Variants in PTCHD4 observed in about 807,000 individuals in gnomAD.
PTCHD4 encodes the protein patched domain-containing protein 4.
A neutral mutation model predicts 58.1 loss-of-function variants in PTCHD4; 33 were observed. That is an observed-to-expected ratio of 0.57 (90% CI 0.43 to 0.76). The LOEUF (loss-of-function observed/expected upper bound fraction) is 0.76. Ranked by LOEUF, PTCHD4 falls within the 30% of genes least tolerant of loss-of-function variation. The pLI is 0.00. For synonymous variants in PTCHD4, 478 were observed against 409.6 expected, an observed-to-expected ratio of 1.17 and a Z score of -2.02; for missense variants, 1,058 against 1,027.1, an observed-to-expected ratio of 1.03 and a Z score of -0.41.
chr6:48,080,351 C>T (rs1196557707), intron 1 of PTCHD4, among the ~76,000 whole-genome samples: 2 of 152,188 alleles, frequency 1.3e-5, no homozygotes, highest in Non-Finnish European at 2.9e-5. Context: ...AACATATAGA[C>T]TGTCTGGGGA....
At chr6:47,905,240 AC>A (rs1764839922) in intron 4 of PTCHD4, among the ~76,000 whole-genome samples, 1 of 152,106 alleles carries the variant, frequency 6.6e-6, no homozygotes, top group South Asian at 2.1e-4. Context: ...ATAGGCAAAA[AC>A]GTGGTAGATT....
intron 3 of PTCHD4, among the ~76,000 whole-genome samples, chr6:48,053,299 CG>C (rs1459221042): frequency 6.6e-6 from 1 of 152,090 alleles, no homozygotes; most frequent in African/African-American, 2.4e-5. Flanking sequence ...ATATTCAAAA[CG>C]TGACAGCTAA....
intron 4 of PTCHD4, among the ~76,000 whole-genome samples, chr6:47,953,290 T>A (rs1042658002): frequency 1.3e-5 from 2 of 152,176 alleles, no homozygotes; most frequent in Admixed American, 1.3e-4. Flanking sequence ...TACAATGGTC[T>A]GAATTTTTTA....
intron 4 of PTCHD4, among the ~76,000 whole-genome samples, chr6:47,959,930 C>CA (rs764922436): frequency 5.0e-4 from 73 of 146,212 alleles, no homozygotes; most frequent in East Asian, 2.6e-3. Context: ...ATGTTATAAG[C>CA]AAAAAAAAAC....
At chr6:48,002,463 C>T (rs527412524) in intron 4 of PTCHD4, among the ~76,000 whole-genome samples, 25 of 152,008 alleles carry the variant, frequency 1.6e-4, no homozygotes, top group South Asian at 1.2e-3. Context: ...TTTGTAGGGA[C>T]GTGGGTGAAG....
chr6:48,029,981 G>C (rs1042408606), intron 3 of PTCHD4, among the ~76,000 whole-genome samples: 1 of 152,084 alleles, frequency 6.6e-6, no homozygotes, highest in Non-Finnish European at 1.5e-5. Context: ...GAACATCTTA[G>C]AGACCTCAAG....
rs927923357 is a variant in PTCHD4, at chr6:47,864,815, G to A, written c.*13488C>T. ...TAGGAAAAGTTTTGAATTAGAGACA[G>A]GCCATCCAATGAATGTGTAACTATG... On this transcript the variant is annotated 3_prime_UTR_variant, in exon 5 of 5. Coordinates refer to ENST00000339488, the MANE Select transcript of PTCHD4 (RefSeq NM_001384253.1). 6.6e-6 allele frequency among the ~76,000 whole-genome samples: 1 copy of A among 151,934 alleles called. No homozygotes were observed. The highest frequency in any genetic ancestry group is 2.4e-5 in the African/African-American group (1 of 41,404).
At chr6:47,958,148 C>T (rs999548920) in intron 4 of PTCHD4, among the ~76,000 whole-genome samples, 2 of 152,110 alleles carry the variant, frequency 1.3e-5, no homozygotes, top group African/African-American at 4.8e-5. Context: ...CCAAAATACC[C>T]TCTATTTGTA....
chr6:47,960,908 A>G (rs1767060484), intron 4 of PTCHD4, among the ~76,000 whole-genome samples: 3 of 151,090 alleles, frequency 2.0e-5, no homozygotes, highest in Admixed American at 2.0e-4. Context: ...CAGCAGGGTG[A>G]TAGATGACTA....
intron 3 of PTCHD4, among the ~76,000 whole-genome samples, chr6:48,057,441 A>G (rs1328244245): frequency 1.3e-5 from 2 of 152,170 alleles, no homozygotes; most frequent in African/African-American, 4.8e-5. Context: ...TAAATGCCCT[A>G]TTAGTTCATT....
rs754683535 is a variant in PTCHD4 at position 47,879,448 on chromosome 6, A to G, written c.1387T>C (p.Phe463Leu). ...TAAATGAGATAGAGGATGACAACAA[A>G]TGGCTTCACATATATATTGGTAATC... Reference protein sequence around the residue: ...EWITNIYVKPFVVILYLIYAS... With the variant: ...EWITNIYVKPLVVILYLIYAS... Residue 463 changes from phenylalanine (F) to leucine (L), a missense_variant, in exon 5 of 5, where the codon TTT becomes CTT. Phe to Leu is a conservative substitution (Grantham distance 22). Transcript: ENST00000339488. 2 of 1,613,660 alleles carry G rather than the reference A, an allele frequency of 1.2e-6. No homozygotes were observed. The highest frequency in any genetic ancestry group is 1.7e-6 in the Non-Finnish European group (2 of 1,179,736).
intron 3 of PTCHD4, among the ~76,000 whole-genome samples, chr6:48,015,026 G>A (rs980171327): frequency 1.3e-5 from 2 of 152,070 alleles, no homozygotes; most frequent in Non-Finnish European, 2.9e-5. Flanking sequence ...ACTCATACTC[G>A]TATACTGATT....
rs1763784153 is a variant in PTCHD4, at chr6:47,873,997, G to A, written c.*4306C>T. 6.6e-6 allele frequency among the ~76,000 whole-genome samples: 1 copy of A among 151,722 alleles called. No homozygotes were observed. Among genetic ancestry groups the A allele is most frequent in the South Asian group, 2.1e-4 (1 of 4,824 alleles). On this transcript the variant is annotated 3_prime_UTR_variant, in exon 5 of 5. Transcript: ENST00000339488. Reference sequence around the variant, plus strand: ...CAGACTGAACAGAAAGATCCCTGTAGTAGGATGCCGAGCAAATCATTGACT... The same window carrying A: ...CAGACTGAACAGAAAGATCCCTGTAATAGGATGCCGAGCAAATCATTGACT...
intron 3 of PTCHD4, among the ~76,000 whole-genome samples, chr6:48,024,615 T>C (rs146872198): frequency 1.7e-3 from 259 of 152,296 alleles, no homozygotes; most frequent in Non-Finnish European, 2.5e-3. Flanking sequence ...AGGCATTCTA[T>C]GATCCCTTGG....
intron 1 of PTCHD4, among the ~76,000 whole-genome samples, chr6:48,071,595 G>A (rs1764976015): frequency 6.6e-6 from 1 of 152,050 alleles, no homozygotes; most frequent in Non-Finnish European, 1.5e-5. Context: ...TATAACCTAT[G>A]CTCAGTTTCT....
chr6:48,034,146 G>A (rs191053511), intron 3 of PTCHD4, among the ~76,000 whole-genome samples: 1 of 152,102 alleles, frequency 6.6e-6, no homozygotes, highest in Non-Finnish European at 1.5e-5. Context: ...GAAAATCCTG[G>A]GCCCCTGGAT....
At chr6:48,012,557 C>G (rs569695078) in intron 3 of PTCHD4, among the ~76,000 whole-genome samples, 1 of 152,066 alleles carries the variant, frequency 6.6e-6, no homozygotes, top group African/African-American at 2.4e-5. Context: ...TATTTGAATA[C>G]GCTTTATTTC....
intron 3 of PTCHD4, among the ~76,000 whole-genome samples, chr6:48,014,631 C>A (rs1159886202): frequency 1.3e-5 from 2 of 152,066 alleles, no homozygotes; most frequent in African/African-American, 2.4e-5. Flanking sequence ...TAATTTTCAG[C>A]TCTATTTTTC....
chr6:47,917,448 C>T (rs1256307675), intron 4 of PTCHD4, among the ~76,000 whole-genome samples: 3 of 152,094 alleles, frequency 2.0e-5, no homozygotes, highest in Non-Finnish European at 4.4e-5. Context: ...TCGTGTATTA[C>T]TAAGTAGGTA....
Sources: gnomAD v4.1 joint callset for allele counts (sites outside exome capture counted in the v4.1 genomes callset) on GRCh38, gnomAD v4.1.1 for gene constraint, MANE v1.5 for transcripts, NCBI Gene and HGNC (gene_info 2026-07-23, HGNC 2026-07-21) for gene names.